The following VAV3 variants were observed in gnomAD, a reference collection of about 807,000 sequenced individuals.
VAV3 encodes the protein vav guanine nucleotide exchange factor 3.
In VAV3, 94 loss-of-function variants were observed where a neutral mutation model predicts 131.2. The observed-to-expected ratio is 0.72, with a 90% CI of 0.61 to 0.85. VAV3 has a LOEUF of 0.85. Ranked by LOEUF, VAV3 falls within the 40% of genes least tolerant of loss-of-function variation. The pLI, the probability that VAV3 is intolerant of heterozygous loss-of-function variation, is 0.00. For synonymous variants in VAV3, 349 were observed against 342.0 expected, an observed-to-expected ratio of 1.02 and a Z score of -0.22; for missense variants, 939 against 1,002.7, an observed-to-expected ratio of 0.94 and a Z score of 0.86.
chr1:107,716,659 C>T (rs1188046441), intron 15 of VAV3, among the ~76,000 whole-genome samples: 1 of 152,198 alleles, frequency 6.6e-6, no homozygotes, highest in Non-Finnish European at 1.5e-5. Context: ...AGGATTTTCA[C>T]ATCGATGTTC....
intron 2 of VAV3, among the ~76,000 whole-genome samples, chr1:107,871,919 T>C (rs577586029): frequency 6.6e-6 from 1 of 152,304 alleles, no homozygotes; most frequent in African/African-American, 2.4e-5. Context: ...GTAAACAACT[T>C]TAACCACCAC....
At chr1:107,649,219 A>G (rs953363406) in intron 19 of VAV3, among the ~76,000 whole-genome samples, 2 of 152,050 alleles carry the variant, frequency 1.3e-5, no homozygotes, top group Non-Finnish European at 2.9e-5. Context: ...TATTCTGCTC[A>G]TCTGACTACA....
At chr1:107,656,720 A>T (rs1434073095) in intron 19 of VAV3, among the ~76,000 whole-genome samples, 1 of 152,144 alleles carries the variant, frequency 6.6e-6, no homozygotes, top group Non-Finnish European at 1.5e-5. Context: ...AAAAGTATGC[A>T]CATCTATTAT....
intron 2 of VAV3, 73 bp downstream of exon 2, chr1:107,874,828 A>AC: frequency 7.7e-7 from 1 of 1,302,292 alleles, no homozygotes; most frequent in Non-Finnish European, 1.1e-6. Context: ...CACATGCCCT[A>AC]CTTCAAGATT....
chr1:107,760,438 A>G (rs1410282354), intron 10 of VAV3, among the ~76,000 whole-genome samples: 1 of 152,218 alleles, frequency 6.6e-6, no homozygotes, highest in Non-Finnish European at 1.5e-5. Context: ...ATCTGCCAAA[A>G]TTCAAGTGCA....
intron 25 of VAV3, among the ~76,000 whole-genome samples, chr1:107,579,016 A>G (rs539009801): frequency 5.9e-5 from 9 of 152,314 alleles, no homozygotes; most frequent in African/African-American, 1.2e-4. Flanking sequence ...TCCTGAAGGA[A>G]TAAGGGTAAT....
intron 18 of VAV3, among the ~76,000 whole-genome samples, chr1:107,688,068 C>T (rs17229661): frequency 0.083 from 12,639 of 152,172 alleles, 692 homozygotes; most frequent in Non-Finnish European, 0.13. Context: ...CATTTCATGA[C>T]GGGGACGCAT....
At chr1:107,766,753 G>C (rs1468190219) in intron 7 of VAV3, among the ~76,000 whole-genome samples, 1 of 151,766 alleles carries the variant, frequency 6.6e-6, no homozygotes, top group African/African-American at 2.4e-5. Flanking sequence ...AGCAGCGGGA[G>C]AGGACAGGGT....
At chr1:107,831,215 T>C (rs992891112) in intron 2 of VAV3, among the ~76,000 whole-genome samples, 2 of 152,142 alleles carry the variant, frequency 1.3e-5, no homozygotes, top group Admixed American at 1.3e-4. Flanking sequence ...TTTTAAATTG[T>C]TTTTATAAAC....
intron 19 of VAV3, among the ~76,000 whole-genome samples, chr1:107,653,752 G>A (rs1389154367): frequency 6.6e-6 from 1 of 151,960 alleles, no homozygotes; most frequent in Non-Finnish European, 1.5e-5. Context: ...GGCTAACTAT[G>A]TGTCTTCATT....
intron 17 of VAV3, among the ~76,000 whole-genome samples, chr1:107,690,847 C>T (rs1368808150): frequency 1.3e-5 from 2 of 152,152 alleles, no homozygotes; most frequent in African/African-American, 4.8e-5. Context: ...TCACCCTCTG[C>T]CAAGGAGAGG....
intron 3 of VAV3, among the ~76,000 whole-genome samples, chr1:107,778,054 G>A (rs1665464890): frequency 6.6e-6 from 1 of 152,060 alleles, no homozygotes; most frequent in Non-Finnish European, 1.5e-5. Context: ...ATCACAGTAA[G>A]CATACTGTGC....
intron 18 of VAV3, among the ~76,000 whole-genome samples, chr1:107,686,225 G>C (rs528768808): frequency 5.3e-5 from 8 of 152,212 alleles, no homozygotes; most frequent in Non-Finnish European, 1.0e-4. Context: ...TCCAGAATGG[G>C]ATGTGAGATG....
intron 1 of VAV3, among the ~76,000 whole-genome samples, chr1:107,949,344 T>C (rs1003036052): frequency 6.6e-6 from 1 of 152,128 alleles, no homozygotes; most frequent in Non-Finnish European, 1.5e-5. Context: ...AGGGTCTTGC[T>C]TTGCTGTCCA....
chr1:107,718,248 G>A (rs1174388698), intron 15 of VAV3, among the ~76,000 whole-genome samples: 1 of 152,118 alleles, frequency 6.6e-6, no homozygotes, highest in South Asian at 2.1e-4. Flanking sequence ...ATTCAATTAG[G>A]AAAAGAGGAA....
At chr1:107,573,693 A>G (rs1211853001) in intron 26 of VAV3, among the ~76,000 whole-genome samples, 1 of 152,212 alleles carries the variant, frequency 6.6e-6, no homozygotes, top group African/African-American at 2.4e-5. Flanking sequence ...ACTATGTCCC[A>G]TTCTTTCCAA....
At chr1:107,738,901 T>C (rs188007500) in intron 15 of VAV3, among the ~76,000 whole-genome samples, 39 of 152,330 alleles carry the variant, frequency 2.6e-4, no homozygotes, top group African/African-American at 8.9e-4. Flanking sequence ...CCGGAGACAG[T>C]AGCACAGTAA....
rs1263738274 is a variant in VAV3, at chr1:107,572,785, AGT to A, written c.*544_*545del. 1 of 152,928 alleles carries A rather than the reference AGT, an allele frequency of 6.5e-6. No homozygotes were observed. Among genetic ancestry groups the A allele is most frequent in the Non-Finnish European group, 1.5e-5 (1 of 68,304 alleles). 9.5% of individuals were successfully genotyped at this position (152,928 alleles called of 1,614,324 possible). A position where few individuals can be genotyped will look rare whatever the true frequency, so the allele number is the denominator to read the frequency against. On this transcript the variant is annotated 3_prime_UTR_variant, in exon 27 of 27. Coordinates refer to ENST00000370056, the MANE Select transcript of VAV3 (RefSeq NM_006113.5). The stretch of plus-strand genomic sequence containing the variant: ...ATCATGAGTAACATCTGAGGGTAAA[AGT>A]GTTTGCCGGGCAATGAGTCACCTTG...
chr1:107,688,484 G>A (rs1659191951), intron 17 of VAV3, 78 bp from the exon 18 acceptor site: 1 of 1,600,848 alleles, frequency 6.2e-7, no homozygotes. Flanking sequence ...TCTCTGCAGA[G>A]TGGTAAAACA....
Sources: gnomAD v4.1 joint callset for allele counts (sites outside exome capture counted in the v4.1 genomes callset) on GRCh38, gnomAD v4.1.1 for gene constraint, MANE v1.5 for transcripts, NCBI Gene and HGNC (gene_info 2026-07-23, HGNC 2026-07-21) for gene names.